EBF1: variants seen among roughly 807,000 people sequenced by gnomAD.
The protein encoded by EBF1 is EBF transcription factor 1, also known as transcription factor COE1.
In EBF1, 10 loss-of-function variants were observed where a neutral mutation model predicts 68.4. The ratio of observed to expected loss-of-function variants is 0.15; its 90% CI spans 0.09 to 0.25. EBF1 has a LOEUF of 0.25. Among genes scored for constraint, EBF1 ranks in the 10% least tolerant of loss-of-function variants. The pLI is 1.00. For synonymous variants in EBF1, 298 were observed against 299.8 expected (o/e 0.99, Z 0.06); for missense variants, 509 against 794.4 (o/e 0.64, Z 4.32).
At chr5:158,915,665 G>A (rs1378070189) in intron 6 of EBF1, among the ~76,000 whole-genome samples, 2 of 152,334 alleles carry the variant, frequency 1.3e-5, no homozygotes, top group Non-Finnish European at 1.5e-5. Context: ...ACAGATGCCT[G>A]TTGCCTTTTC....
intron 8 of EBF1, among the ~76,000 whole-genome samples, chr5:158,820,355 C>G (rs1342843435): frequency 2.6e-5 from 4 of 152,280 alleles, no homozygotes; most frequent in African/African-American, 9.6e-5. Flanking sequence ...GACTTTTCAA[C>G]AGCAAAATAA....
chr5:158,823,500 G>A (rs1224195194), intron 7 of EBF1, among the ~76,000 whole-genome samples, 183 bp from the exon 8 acceptor site: 3 of 152,212 alleles, frequency 2.0e-5, no homozygotes, highest in Admixed American at 2.0e-4. Context: ...TCTTTGGCAT[G>A]GAACGCTTTT....
chr5:158,736,071 C>T (rs972702176), intron 10 of EBF1, among the ~76,000 whole-genome samples: 3 of 152,166 alleles, frequency 2.0e-5, no homozygotes, highest in Non-Finnish European at 2.9e-5. Flanking sequence ...TATATGTGGC[C>T]TTTTCATGCC....
At chr5:158,841,692 C>A (rs1488265048) in intron 6 of EBF1, among the ~76,000 whole-genome samples, 1 of 152,076 alleles carries the variant, frequency 6.6e-6, no homozygotes, top group Non-Finnish European at 1.5e-5. Context: ...CAGCACTGCA[C>A]GAAGACATAC....
chr5:159,020,684 T>C (rs1249996443), intron 6 of EBF1, among the ~76,000 whole-genome samples: 4 of 152,336 alleles, frequency 2.6e-5, no homozygotes, highest in African/African-American at 9.6e-5. Context: ...CTCTTTTCTG[T>C]TAAAATTGCC....
chr5:159,097,384 T>C (rs1782844379), intron 1 of EBF1: 1 of 523,392 alleles, frequency 1.9e-6, no homozygotes, highest in East Asian at 3.2e-5. Flanking sequence ...AAAGTTTTGT[T>C]TGGGTTTTGC....
At chr5:158,908,329 T>C (rs1432329837) in intron 6 of EBF1, among the ~76,000 whole-genome samples, 3 of 152,230 alleles carry the variant, frequency 2.0e-5, no homozygotes, top group African/African-American at 7.2e-5. Context: ...TTTGCACATA[T>C]CTTTGTTCAC....
intron 15 of EBF1, 115 bp downstream of exon 15, chr5:158,707,864 A>T: frequency 7.9e-7 from 1 of 1,262,978 alleles, no homozygotes; most frequent in Non-Finnish European, 1.1e-6. Flanking sequence ...GGCAGAGAGA[A>T]TCAGGCAGGG....
At chr5:158,925,500 C>A (rs2127419777) in intron 6 of EBF1, among the ~76,000 whole-genome samples, 1 of 152,352 alleles carries the variant, frequency 6.6e-6, no homozygotes, top group East Asian at 1.9e-4. Flanking sequence ...ATAAGTGTAA[C>A]TTCCTCAAAG....
At chr5:159,054,837 C>A (rs1040127914) in intron 6 of EBF1, among the ~76,000 whole-genome samples, 1 of 152,216 alleles carries the variant, frequency 6.6e-6, no homozygotes, top group African/African-American at 2.4e-5. Flanking sequence ...TGCCCACAAC[C>A]TTTTGGGGTT....
chr5:158,697,925 A>G lies in EBF1; in HGVS notation c.*1186T>C, dbSNP rs2127452143. 1 of 208,552 alleles carries G rather than the reference A, an allele frequency of 4.8e-6. No homozygotes were observed. The highest frequency in any genetic ancestry group is 9.8e-6 in the Non-Finnish European group (1 of 102,506). 12.9% of individuals were successfully genotyped at this position (208,552 alleles called of 1,614,324 possible). The stretch of plus-strand genomic sequence containing the variant: ...AAAAATTCCCATAGAACAGAAAACT[A>G]TGTTTTGGAGGTCTCAACCTTCTTT... On this transcript the variant is annotated 3_prime_UTR_variant, in exon 16 of 16. Coordinates refer to ENST00000313708, the MANE Select transcript of EBF1 (RefSeq NM_024007.5).
intron 8 of EBF1, among the ~76,000 whole-genome samples, chr5:158,816,950 A>G (rs903178967): frequency 6.6e-6 from 1 of 152,092 alleles, no homozygotes; most frequent in Non-Finnish European, 1.5e-5. Context: ...CAAAGTTATA[A>G]GTAGGTCTGA....
At chr5:158,812,548 A>G (rs1222538351) in intron 8 of EBF1, among the ~76,000 whole-genome samples, 1 of 152,094 alleles carries the variant, frequency 6.6e-6, no homozygotes. Context: ...AGATGAGAAA[A>G]CAGAGCCACC....
chr5:158,741,091 T>A (rs1304777775), intron 10 of EBF1, among the ~76,000 whole-genome samples: 1 of 152,238 alleles, frequency 6.6e-6, no homozygotes, highest in Non-Finnish European at 1.5e-5. Context: ...TATTTCATTT[T>A]AAAATAATCA....
intron 10 of EBF1, among the ~76,000 whole-genome samples, chr5:158,739,514 A>T (rs1348605761): frequency 3.9e-5 from 6 of 152,244 alleles, no homozygotes; most frequent in Admixed American, 2.6e-4. Flanking sequence ...TTGACCTTTC[A>T]ATCTTTTTCA....
intron 6 of EBF1, among the ~76,000 whole-genome samples, chr5:159,049,149 C>A (rs1773028469): frequency 2.6e-5 from 4 of 152,054 alleles, no homozygotes; most frequent in Admixed American, 2.6e-4. Flanking sequence ...TAAAATGATC[C>A]CAGAACAGTA....
intron 10 of EBF1, among the ~76,000 whole-genome samples, chr5:158,767,292 A>G (rs1772921115): frequency 1.3e-5 from 2 of 152,160 alleles, no homozygotes; most frequent in South Asian, 4.2e-4. Flanking sequence ...TCTTCCATAT[A>G]AGTATGCATT....
intron 9 of EBF1, among the ~76,000 whole-genome samples, chr5:158,778,649 G>A (rs1775795503): frequency 6.6e-6 from 1 of 152,106 alleles, no homozygotes; most frequent in Non-Finnish European, 1.5e-5. Flanking sequence ...TGCGGCCAAT[G>A]GGTCCCTGAC....
At chr5:158,824,590 G>A (rs1235442400) in intron 7 of EBF1, among the ~76,000 whole-genome samples, 1 of 152,248 alleles carries the variant, frequency 6.6e-6, no homozygotes. Context: ...AGCCTCTGAA[G>A]AGGTGAACCG....
Sources: gnomAD v4.1 joint callset for allele counts (sites outside exome capture counted in the v4.1 genomes callset) on GRCh38, gnomAD v4.1.1 for gene constraint, MANE v1.5 for transcripts, NCBI Gene and HGNC (gene_info 2026-07-23, HGNC 2026-07-21) for gene names.